PIK3CB: variants seen among roughly 807,000 people sequenced by gnomAD.
PIK3CB encodes phosphatidylinositol 4,5-bisphosphate 3-kinase catalytic subunit beta isoform.
In PIK3CB, 39 loss-of-function variants were observed where a neutral mutation model predicts 136.8. The ratio of observed to expected loss-of-function variants is 0.29; its 90% CI spans 0.22 to 0.37. The LOEUF is 0.37. PIK3CB is among the 10% of genes least tolerant of loss of function. PIK3CB has a pLI of 1.00. For missense variants in PIK3CB, 868 were observed against 1,275.4 expected (o/e 0.68, Z 4.87); for synonymous variants, 428 against 436.6 (o/e 0.98, Z 0.25).
intron 1 of PIK3CB, among the ~76,000 whole-genome samples, chr3:138,815,567 C>T (rs999364010): frequency 6.6e-6 from 1 of 151,920 alleles, no homozygotes; most frequent in Admixed American, 6.6e-5. Flanking sequence ...CAGTTCTACA[C>T]CTACAGATAC....
At chr3:138,657,290 G>A (rs1363939853) in intron 22 of PIK3CB, 2 of 161,604 alleles carry the variant, frequency 1.2e-5, no homozygotes, top group Non-Finnish European at 2.7e-5. Context: ...TATTATGCTT[G>A]GGAACATGTA....
chr3:138,676,850 G>T (rs747638066), intron 19 of PIK3CB, among the ~76,000 whole-genome samples: 2 of 152,048 alleles, frequency 1.3e-5, no homozygotes, highest in Admixed American at 1.3e-4. Flanking sequence ...TCAGGGAGGG[G>T]GTTGGGGGTA....
intron 1 of PIK3CB, among the ~76,000 whole-genome samples, chr3:138,804,619 C>T (rs896091758): frequency 2.0e-5 from 3 of 152,152 alleles, no homozygotes; most frequent in Non-Finnish European, 2.9e-5. Flanking sequence ...AGAACAAAAT[C>T]GCTGTAAAAT....
intron 1 of PIK3CB, among the ~76,000 whole-genome samples, chr3:138,801,229 T>C (rs1447339412): frequency 9.2e-5 from 14 of 152,074 alleles, no homozygotes; most frequent in Admixed American, 9.2e-4. Flanking sequence ...TGAGGTGATA[T>C]AGCAAGAGTA....
chr3:138,831,240 AGAGT>A (rs1189528663), intron 1 of PIK3CB, among the ~76,000 whole-genome samples: 2 of 146,752 alleles, frequency 1.4e-5, no homozygotes, highest in African/African-American at 2.5e-5. Flanking sequence ...GCTGGGCAAC[AGAGT>A]GAGACTCCGT....
chr3:138,668,037 C>T (rs1475921260), intron 19 of PIK3CB, among the ~76,000 whole-genome samples: 1 of 151,852 alleles, frequency 6.6e-6, no homozygotes, highest in African/African-American at 2.4e-5. Flanking sequence ...CATTGCACTC[C>T]AGCCTGGGCA....
At chr3:138,792,925 G>A (rs535834253) in intron 2 of PIK3CB, among the ~76,000 whole-genome samples, 240 of 152,198 alleles carry the variant, frequency 1.6e-3, no homozygotes, top group Non-Finnish European at 2.6e-3. Context: ...TTACACGTGT[G>A]TGCCACCACA....
intron 3 of PIK3CB, 39 bp downstream of exon 3, chr3:138,759,134 A>C (rs1453654284): frequency 8.0e-7 from 1 of 1,242,970 alleles, no homozygotes; most frequent in Non-Finnish European, 1.1e-6. Context: ...CAAGTGACAC[A>C]GTATGCTAAA....
At chr3:138,745,611 C>T (rs1287352124) in intron 4 of PIK3CB, among the ~76,000 whole-genome samples, 12 of 151,872 alleles carry the variant, frequency 7.9e-5, no homozygotes, top group East Asian at 5.8e-4. Flanking sequence ...GCAGCCTGGG[C>T]GATGAAGTGA....
intron 15 of PIK3CB, among the ~76,000 whole-genome samples, chr3:138,690,139 A>G (rs2043976561): frequency 2.0e-5 from 3 of 152,074 alleles, no homozygotes; most frequent in Non-Finnish European, 2.9e-5. Context: ...GGAAAAAAAT[A>G]TATGAATAAG....
intron 1 of PIK3CB, among the ~76,000 whole-genome samples, chr3:138,800,738 C>T (rs888133470): frequency 1.3e-5 from 2 of 152,224 alleles, no homozygotes; most frequent in Non-Finnish European, 1.5e-5. Context: ...GATTCTACTG[C>T]CTCAGTCTCC....
At chr3:138,770,788 T>C (rs1385060504) in intron 2 of PIK3CB, among the ~76,000 whole-genome samples, 2 of 152,070 alleles carry the variant, frequency 1.3e-5, no homozygotes, top group East Asian at 3.9e-4. Flanking sequence ...CTCGGCTCAC[T>C]ACAACCTCCG....
chr3:138,735,692 T>A (rs1185267687), intron 6 of PIK3CB, among the ~76,000 whole-genome samples: 1 of 152,144 alleles, frequency 6.6e-6, no homozygotes, highest in Non-Finnish European at 1.5e-5. Flanking sequence ...AAGGGGTGAT[T>A]ATTCATATTA....
chr3:138,713,758 A>G (rs2044553604), intron 9 of PIK3CB, among the ~76,000 whole-genome samples: 1 of 152,182 alleles, frequency 6.6e-6, no homozygotes, highest in Non-Finnish European at 1.5e-5. Flanking sequence ...TAATGTCCCT[A>G]TCCCCACCAA....
intron 1 of PIK3CB, chr3:138,826,319 A>C (rs1188989547): frequency 5.0e-6 from 8 of 1,597,624 alleles, no homozygotes; most frequent in Non-Finnish European, 5.9e-6. Flanking sequence ...AAAGCTCAGA[A>C]GGCTAAATGA....
At chr3:138,675,838 T>C (rs1045717467) in intron 19 of PIK3CB, among the ~76,000 whole-genome samples, 17 of 152,190 alleles carry the variant, frequency 1.1e-4, no homozygotes, top group African/African-American at 2.7e-4. Flanking sequence ...GGGACAGACA[T>C]ATAGAATTGA....
At position 138,755,906 on chromosome 3, in the gene PIK3CB, C is replaced by A; in HGVS notation, c.245G>T (p.Cys82Phe). 1.2e-6 allele frequency: 2 copies of A among 1,612,470 alleles called. No homozygotes were observed. The highest frequency in any genetic ancestry group is 2.2e-5 in the South Asian group (2 of 91,012). ...LMDIDSYMFA[C>F]VNQTAVYEEL... Reference sequence around the variant, plus strand: ...CTCATATACAGCAGTCTGATTCACACATGCAAACATATAGGAGTCAATATC... The same window carrying A: ...CTCATATACAGCAGTCTGATTCACAAATGCAAACATATAGGAGTCAATATC... Residue 82 changes from cysteine to phenylalanine, a missense_variant, in exon 4 of 24, where the codon TGT (cysteine) becomes TTT (phenylalanine). Cys to Phe is a radical substitution (Grantham distance 205, BLOSUM62 -2). This residue lies in a region of PIK3CB where 612 missense variants were observed against 801.1 expected (regional missense o/e 0.76). Transcript: ENST00000674063.
At chr3:138,656,786 T>A (rs1414846017) in intron 22 of PIK3CB, among the ~76,000 whole-genome samples, 1 of 152,164 alleles carries the variant, frequency 6.6e-6, no homozygotes, top group African/African-American at 2.4e-5. Context: ...ATGTTTTTTT[T>A]TTGAGATGGA....
Position 138,814,666 on chromosome 3 carries a change from C to T in PIK3CB, c.-121-18099G>A, listed in dbSNP as rs1576428711. ...AACCGTTATCCTTTGTCTCTGTCTCCACATATATGTTCCAAAGGTTGATCT... is the reference window on the plus strand; with the variant it reads ...AACCGTTATCCTTTGTCTCTGTCTCTACATATATGTTCCAAAGGTTGATCT... On this transcript the variant is annotated intron_variant, in intron 1 of 23. Coordinates refer to ENST00000674063, the MANE Select transcript of PIK3CB (RefSeq NM_006219.3). 6.6e-5 allele frequency among the ~76,000 whole-genome samples: 10 copies of T among 152,152 alleles called. No homozygotes were observed. In the South Asian group the frequency reaches 2.1e-3, roughly 32 times the overall value.
Sources: allele counts gnomAD v4.1 joint callset (sites outside exome capture counted in the v4.1 genomes callset), GRCh38; gene constraint gnomAD v4.1.1; regional missense constraint gnomAD v4.1.1; transcripts MANE v1.5; gene names NCBI Gene and HGNC (gene_info 2026-07-23, HGNC 2026-07-21).